Variants in HOMER2 observed in about 807,000 individuals in gnomAD.
HOMER2 encodes homer protein homolog 2.
A neutral mutation model predicts 47.0 loss-of-function variants in HOMER2; 27 were observed. The observed-to-expected ratio is 0.57, with a 90% CI of 0.42 to 0.79. The LOEUF is 0.79. Among genes scored for constraint, HOMER2 ranks in the 30% least tolerant of loss-of-function variants. The pLI is 0.00. For synonymous variants in HOMER2, 161 were observed against 163.8 expected (o/e 0.98, Z 0.13); for missense variants, 443 against 435.0 (o/e 1.02, Z -0.16).
intron 1 of HOMER2, among the ~76,000 whole-genome samples, chr15:82,924,482 A>G (rs186363598): frequency 6.7e-6 from 1 of 150,280 alleles, no homozygotes; most frequent in Admixed American, 6.7e-5. Context: ...ACTTCTCCCG[A>G]CTTCACTTTT....
intron 1 of HOMER2, among the ~76,000 whole-genome samples, chr15:82,943,502 C>T (rs1015276107): frequency 6.6e-6 from 1 of 152,236 alleles, no homozygotes; most frequent in Admixed American, 6.5e-5. Flanking sequence ...AGGCTCCATT[C>T]CTTTTCCCCA....
intron 1 of HOMER2, among the ~76,000 whole-genome samples, chr15:82,964,535 G>A (rs763085372): frequency 6.6e-6 from 1 of 152,212 alleles, no homozygotes; most frequent in Non-Finnish European, 1.5e-5. Flanking sequence ...GGAGGCCAAG[G>A]TGGGCAGATC....
At chr15:82,849,939 G>A (rs1737485526) in intron 8 of HOMER2, 36 bp from the exon 9 acceptor site, 3 of 1,589,970 alleles carry the variant, frequency 1.9e-6, no homozygotes, top group Non-Finnish European at 2.6e-6. Context: ...CTAGAAAACT[G>A]AGTGACGAGA....
chr15:82,922,193 T>C (rs1457928652), intron 1 of HOMER2, among the ~76,000 whole-genome samples: 3 of 152,188 alleles, frequency 2.0e-5, no homozygotes, highest in Non-Finnish European at 4.4e-5. Flanking sequence ...CTTCCTTGTA[T>C]GAGCACCACT....
intron 2 of HOMER2, among the ~76,000 whole-genome samples, chr15:82,882,881 C>CG (rs1555423408): frequency 3.7e-5 from 1 of 27,038 alleles, no homozygotes; most frequent in Non-Finnish European, 6.3e-5. Flanking sequence ...CCAGCCACTG[C>CG]TTTTTTTTTT....
At chr15:82,911,026 CAT>C (rs946116917) in intron 1 of HOMER2, among the ~76,000 whole-genome samples, 8 of 152,250 alleles carry the variant, frequency 5.3e-5, no homozygotes, top group African/African-American at 1.2e-4. Flanking sequence ...AATGTGATAA[CAT>C]GTGCAAAGTG....
intron 1 of HOMER2, among the ~76,000 whole-genome samples, chr15:82,928,932 A>C (rs566573194): frequency 2.1e-4 from 29 of 139,150 alleles, no homozygotes; most frequent in African/African-American, 7.0e-4. Context: ...TGGCAAAAAA[A>C]TAAAAACTAA....
rs370161884 is a variant in HOMER2 at position 82,873,809 on chromosome 15, G to A, written c.294+1464C>T. On this transcript the variant is annotated intron_variant, in intron 3 of 8. Transcript: ENST00000450735. ...CTTGGGATGCAGAGGACAGTCTGTG[G>A]GGTATCCCCACTGGGGTGCTCATTT... is the stretch of plus-strand genomic sequence containing the variant. Among the ~76,000 whole-genome samples the A allele has an allele frequency of 3.0e-4, 45 of 152,312 alleles. No homozygotes were observed. The South Asian group carries it at 8.9e-3, about 30-fold the overall frequency.
At chr15:82,870,731 A>G (rs1265845768) in intron 3 of HOMER2, among the ~76,000 whole-genome samples, 2 of 152,220 alleles carry the variant, frequency 1.3e-5, no homozygotes, top group Non-Finnish European at 2.9e-5. Context: ...TTCTTACGAT[A>G]CTGAGTGAAT....
At position 82,840,610 on chromosome 15, in the gene HOMER2, T is replaced by C. The variant is rs527689234; in HGVS notation, c.*6664A>G. On this transcript the variant is annotated 3_prime_UTR_variant, in exon 2 of 2. Coordinates refer to the HOMER2 transcript ENST00000558090. The stretch of plus-strand genomic sequence containing the variant: ...CTGGGACTACAGGCACACACCACCA[T>C]GCCTAGCTAATTTTTAGTAGCGACT... 3 of 152,190 alleles carry C rather than the reference T, an allele frequency of 2.0e-5. No individual in the cohort carries two copies. In the South Asian group the frequency reaches 6.2e-4, roughly 32 times the overall value. 9.4% of individuals were successfully genotyped at this position (152,190 alleles called of 1,614,324 possible).
rs2030422916 is a variant in HOMER2, at chr15:82,982,380, A to AT, written n.82+3406dup. On this transcript the variant is annotated intron_variant and non_coding_transcript_variant, in intron 1 of 1. Coordinates refer to the HOMER2 transcript ENST00000500334. ...GTCAGAAAATGAGACATAATAATCG[A>AT]TAACATATCAGAGAATGAAAAGACA... Among the ~76,000 whole-genome samples, 4 of 152,222 alleles carry AT rather than the reference A, an allele frequency of 2.6e-5. No homozygotes were observed. The South Asian group carries it at 8.3e-4, about 31-fold the overall frequency.
chr15:82,937,527 C>T (rs2054168769), intron 1 of HOMER2, among the ~76,000 whole-genome samples: 1 of 152,220 alleles, frequency 6.6e-6, no homozygotes, highest in South Asian at 2.1e-4. Flanking sequence ...TTCGTTCCCT[C>T]CAAGACATTA....
chr15:82,971,405 G>A (rs1051393766), intron 1 of HOMER2, among the ~76,000 whole-genome samples: 1 of 151,340 alleles, frequency 6.6e-6, no homozygotes, highest in South Asian at 2.1e-4. Flanking sequence ...GAGCAAGAGA[G>A]ACAGATACAT....
Position 82,849,287 on chromosome 15 carries a change from C to G in HOMER2, c.*428G>C. On this transcript the variant is annotated 3_prime_UTR_variant, in exon 9 of 9. Coordinates refer to ENST00000450735, the MANE Select transcript of HOMER2 (RefSeq NM_004839.4). ...GAGAGGAATGTTGTTCTCTCTGTGC[C>G]CCCCGGGGCTGGTGTCTGGTGGACA... 6.4e-6 allele frequency: 1 copy of G among 155,800 alleles called. No homozygotes were observed. The highest frequency in any genetic ancestry group is 1.4e-5 in the Non-Finnish European group (1 of 70,538). 9.7% of individuals were successfully genotyped at this position (155,800 alleles called of 1,614,324 possible). A position where few individuals can be genotyped will look rare whatever the true frequency, so the allele number is the denominator to read the frequency against.
At chr15:82,985,698 T>C (rs2030570940) in intron 1 of HOMER2, 1 of 152,230 alleles carries the variant, frequency 6.6e-6, no homozygotes, top group Non-Finnish European at 1.5e-5. Context: ...CTCTTGGAAG[T>C]AGCTGGATAC....
At chr15:82,835,792 G>A (rs903572439), downstream of HOMER2, 4 of 152,268 alleles carry the variant, frequency 2.6e-5, no homozygotes, top group Non-Finnish European at 4.4e-5. Context: ...CCCAGAGACA[G>A]GTCCAGTGGC....
At chr15:82,981,883 A>C (rs1012019627) in intron 1 of HOMER2, among the ~76,000 whole-genome samples, 1 of 152,096 alleles carries the variant, frequency 6.6e-6, no homozygotes, top group Non-Finnish European at 1.5e-5. Flanking sequence ...ATGGGCACAG[A>C]ATTTCAGTGT....
intron 1 of HOMER2, among the ~76,000 whole-genome samples, chr15:82,908,855 G>T (rs954505900): frequency 6.6e-6 from 1 of 152,076 alleles, no homozygotes; most frequent in Non-Finnish European, 1.5e-5. Context: ...TGCTGGGTGT[G>T]CCTTGCCTGT....
intron 5 of HOMER2, among the ~76,000 whole-genome samples, chr15:82,856,102 A>T (rs1227162764): frequency 6.6e-6 from 1 of 152,186 alleles, no homozygotes; most frequent in Non-Finnish European, 1.5e-5. Flanking sequence ...GAAAATATGT[A>T]CTTTCACTTT....
Sources: allele counts gnomAD v4.1 joint callset (sites outside exome capture counted in the v4.1 genomes callset), GRCh38; gene constraint gnomAD v4.1.1; transcripts MANE v1.5; gene names NCBI Gene and HGNC (gene_info 2026-07-23, HGNC 2026-07-21).